The following COG5 variants were observed in gnomAD, a reference collection of about 807,000 sequenced individuals.
COG5 encodes the protein component of oligomeric golgi complex 5, also known as conserved oligomeric Golgi complex subunit 5.
Under a neutral mutation model 110.4 loss-of-function variants are expected in COG5, and 86 were observed. That is an observed-to-expected ratio of 0.78 (90% CI 0.65 to 0.93). The LOEUF (loss-of-function observed/expected upper bound fraction) is 0.93. Ranked by LOEUF, COG5 falls within the 40% of genes least tolerant of loss-of-function variation. The probability of loss-of-function intolerance (pLI) is 0.00; values close to 1 mark genes in which losing one functional copy is unlikely to be tolerated. For missense variants in COG5, 1,077 were observed against 987.0 expected (o/e 1.09, Z -1.22); for synonymous variants, 360 against 334.6 (o/e 1.08, Z -0.83).
At chr7:107,555,156 G>A (rs1216369597) in intron 2 of COG5, among the ~76,000 whole-genome samples, 1 of 152,018 alleles carries the variant, frequency 6.6e-6, no homozygotes, top group Non-Finnish European at 1.5e-5. Context: ...CATACCCACA[G>A]CAAATCCTTT....
intron 6 of COG5, among the ~76,000 whole-genome samples, chr7:107,509,448 A>G (rs1395063725): frequency 6.6e-6 from 1 of 152,212 alleles, no homozygotes; most frequent in Non-Finnish European, 1.5e-5. Flanking sequence ...TGATGGGGAG[A>G]ATGGAACCAA....
intron 3 of COG5, among the ~76,000 whole-genome samples, chr7:107,550,019 T>C (rs1563095740): frequency 2.6e-5 from 4 of 151,916 alleles, no homozygotes; most frequent in Admixed American, 6.5e-5. Context: ...TTTCTCTCTC[T>C]TCCCCTGTAC....
intron 5 of COG5, among the ~76,000 whole-genome samples, chr7:107,541,456 C>T (rs1801980463): frequency 8.0e-6 from 1 of 125,738 alleles, no homozygotes; most frequent in Non-Finnish European, 1.6e-5. Flanking sequence ...GAGATCGTGC[C>T]ACTGCACTCC....
rs925882673 is a variant in COG5 at position 107,379,652 on chromosome 7, T to C, written c.670-6892A>G. 2.7e-5 allele frequency among the ~76,000 whole-genome samples: 4 copies of C among 148,314 alleles called. No homozygotes were observed. In the South Asian group the frequency reaches 6.4e-4, roughly 24 times the overall value. On this transcript the variant is annotated intron_variant, in intron 7 of 21. Coordinates refer to ENST00000297135, the MANE Select transcript of COG5 (RefSeq NM_006348.5). The stretch of plus-strand genomic sequence containing the variant: ...AATCCTAGTTTTTGATAAAACAGAC[T>C]TTAAACCAACAAAGATAAAAAAAGA...
intron 5 of COG5, 134 bp downstream of exon 5, chr7:107,547,977 A>G: frequency 1.4e-6 from 1 of 736,472 alleles, no homozygotes; most frequent in South Asian, 1.7e-5. Flanking sequence ...AAGGCTTTTT[A>G]GTATTTTTTT....
intron 11 of COG5, among the ~76,000 whole-genome samples, chr7:107,312,466 G>C (rs1386127553): frequency 6.6e-6 from 1 of 152,188 alleles, no homozygotes; most frequent in African/African-American, 2.4e-5. Context: ...GGAACTGACA[G>C]AAGAGGTCTT....
At chr7:107,529,659 G>A (rs189034652) in intron 5 of COG5, among the ~76,000 whole-genome samples, 23 of 152,298 alleles carry the variant, frequency 1.5e-4, no homozygotes, top group Non-Finnish European at 8.8e-5. Flanking sequence ...TAAAGTCCTC[G>A]GATCAAGGTT....
At chr7:107,279,080 C>A (rs1350982394) in intron 14 of COG5, among the ~76,000 whole-genome samples, 1 of 152,034 alleles carries the variant, frequency 6.6e-6, no homozygotes, top group African/African-American at 2.4e-5. Context: ...AGAACTTAAA[C>A]AAATTTACAA....
chr7:107,207,953 T>C, intron 21 of COG5: 1 of 985,432 alleles, frequency 1.0e-6, no homozygotes, highest in Non-Finnish European at 1.2e-6. Flanking sequence ...AGAATGAGTA[T>C]ACAACAAGGT....
chr7:107,343,339 G>A lies in COG5; in HGVS notation c.1026+18694C>T, dbSNP rs76196899. ...ATGCAATATGCCATGTAACAAACAT[G>A]AATTTAAAATCTAAGTAAAAGTTAA... On this transcript the variant is annotated intron_variant, in intron 10 of 21. Transcript: ENST00000297135. 8.4e-3 allele frequency among the ~76,000 whole-genome samples: 1,281 copies of A among 152,162 alleles called. 23 individuals carry two copies. The highest frequency in any genetic ancestry group is 0.028 in the African/African-American group (1,168 of 41,496).
chr7:107,334,148 C>A (rs1335716290), intron 10 of COG5, among the ~76,000 whole-genome samples: 1 of 152,106 alleles, frequency 6.6e-6, no homozygotes, highest in Non-Finnish European at 1.5e-5. Context: ...GCTACGGAAT[C>A]AACCTAAGTA....
At chr7:107,435,773 T>A (rs748433082) in intron 6 of COG5, among the ~76,000 whole-genome samples, 1 of 152,376 alleles carries the variant, frequency 6.6e-6, no homozygotes, top group Admixed American at 6.5e-5. Context: ...AATTACCATA[T>A]GGTCCACCAA....
chr7:107,228,007 T>A (rs183169121), intron 19 of COG5, among the ~76,000 whole-genome samples: 138 of 152,264 alleles, frequency 9.1e-4, no homozygotes, highest in East Asian at 1.3e-3. Flanking sequence ...AATAATAGCC[T>A]AGGCCAGGTG....
chr7:107,532,670 T>C (rs1362327683), intron 5 of COG5, among the ~76,000 whole-genome samples: 4 of 152,134 alleles, frequency 2.6e-5, no homozygotes, highest in South Asian at 2.1e-4. Context: ...ATAAACAGTA[T>C]ATAATTTCTT....
chr7:107,464,989 T>C (rs1466708529), intron 6 of COG5, among the ~76,000 whole-genome samples: 1 of 152,112 alleles, frequency 6.6e-6, no homozygotes, highest in Admixed American at 6.6e-5. Context: ...TCCTGAGAAA[T>C]GGATGGAGTA....
At chr7:107,492,168 A>AGT (rs61526384) in intron 6 of COG5, among the ~76,000 whole-genome samples, 13,975 of 141,620 alleles carry the variant, frequency 0.099, 716 homozygotes, top group East Asian at 0.17. Context: ...AACAATGGGT[A>AGT]GTGTGTGTGT....
intron 11 of COG5, among the ~76,000 whole-genome samples, chr7:107,299,548 A>G (rs1807056927): frequency 6.6e-6 from 1 of 152,058 alleles, no homozygotes; most frequent in Non-Finnish European, 1.5e-5. Context: ...TTCCACAAAG[A>G]AAAACTTCAG....
chr7:107,261,195 C>T (rs908932434), intron 14 of COG5, among the ~76,000 whole-genome samples: 5 of 152,028 alleles, frequency 3.3e-5, no homozygotes. Context: ...TGGACCTATG[C>T]AACTGTAATC....
At chr7:107,351,480 G>C (rs1192261739) in intron 10 of COG5, among the ~76,000 whole-genome samples, 1 of 152,132 alleles carries the variant, frequency 6.6e-6, no homozygotes, top group East Asian at 1.9e-4. Context: ...AAACTGAAGA[G>C]CTTCTGCACA....
Sources: allele counts gnomAD v4.1 joint callset (sites outside exome capture counted in the v4.1 genomes callset), GRCh38; gene constraint gnomAD v4.1.1; transcripts MANE v1.5; gene names NCBI Gene and HGNC (gene_info 2026-07-23, HGNC 2026-07-21).